The following ZNF560 variants were observed in gnomAD, a reference collection of about 807,000 sequenced individuals.
The protein encoded by ZNF560 is zinc finger protein 560.
In ZNF560, 54 loss-of-function variants were observed where a neutral mutation model predicts 81.8. The ratio of observed to expected loss-of-function variants is 0.66; its 90% CI spans 0.53 to 0.83. The LOEUF is 0.83. ZNF560 is among the 40% of genes least tolerant of loss of function. The probability of loss-of-function intolerance (pLI) is 0.00; values close to 1 mark genes in which losing one functional copy is unlikely to be tolerated. For synonymous variants in ZNF560, 321 were observed against 317.9 expected, an observed-to-expected ratio of 1.01 and a Z score of -0.10; for missense variants, 940 against 932.4, an observed-to-expected ratio of 1.01 and a Z score of -0.11.
intron 2 of ZNF560, among the ~76,000 whole-genome samples, chr19:9,497,472 T>C (rs1340567469): frequency 6.7e-6 from 1 of 149,252 alleles, no homozygotes; most frequent in African/African-American, 2.5e-5. Flanking sequence ...GAGGCAGAGG[T>C]TGCAGTGAGG....
intron 2 of ZNF560, among the ~76,000 whole-genome samples, chr19:9,482,799 A>G (rs1006380638): frequency 2.6e-5 from 4 of 152,040 alleles, no homozygotes; most frequent in Non-Finnish European, 5.9e-5. Context: ...AGTGCCTGCA[A>G]TTGCAGGCGT....
Position 9,466,827 on chromosome 19 carries a change from G to T in ZNF560, c.2120C>A (p.Thr707Asn). 1.2e-6 allele frequency: 2 copies of T among 1,614,128 alleles called. No individual in the cohort carries two copies. The highest frequency in any genetic ancestry group is 1.7e-6 in the Non-Finnish European group (2 of 1,180,030). Residue 707 changes from threonine to asparagine, a missense_variant, in exon 10 of 10, where the codon ACC becomes AAC. Thr to Asn is a moderately conservative substitution (Grantham distance 65). Transcript: ENST00000301480. Reference sequence around the variant, plus strand: ...CTTACATTTATAGGGTTTTATTTTGGTGAGAGTTTTTAAGCGATCATGAAA... The same window carrying T: ...CTTACATTTATAGGGTTTTATTTTGTTGAGAGTTTTTAAGCGATCATGAAA... ...MCFHDRLKTLTKIKPYKCKDC... is the reference protein window; with the variant it reads ...MCFHDRLKTLNKIKPYKCKDC...
chr19:9,468,723 TTC>T (rs543397746), intron 9 of ZNF560, among the ~76,000 whole-genome samples: 3 of 148,670 alleles, frequency 2.0e-5, no homozygotes, highest in Non-Finnish European at 3.0e-5. Context: ...TTCTGCTGAT[TTC>T]TTTTTTTTTT....
chr19:9,475,981 G>A (rs2073195757), intron 2 of ZNF560, among the ~76,000 whole-genome samples: 1 of 152,154 alleles, frequency 6.6e-6, no homozygotes, highest in African/African-American at 2.4e-5. Context: ...ATGAGATTAT[G>A]CAGCACCTCT....
intron 5 of ZNF560, among the ~76,000 whole-genome samples, chr19:9,472,536 G>A (rs950715734): frequency 3.9e-5 from 6 of 152,178 alleles, no homozygotes; most frequent in African/African-American, 1.4e-4. Context: ...GAAGGATTTA[G>A]TTTGCGCGCT....
the ZNF560 span, among the ~76,000 whole-genome samples, chr19:9,452,766 G>A: frequency 1.3e-5 from 2 of 152,290 alleles, no homozygotes; most frequent in South Asian, 4.1e-4. Context: ...GAGGCTGGGG[G>A]AAGAGGAGAG....
At chr19:9,466,354 A>AAG (rs538986739), downstream of ZNF560, among the ~76,000 whole-genome samples, 2 of 149,964 alleles carry the variant, frequency 1.3e-5, no homozygotes, top group African/African-American at 2.5e-5. Flanking sequence ...AAAAAAAAAA[A>AAG]AGAGAGAGAG....
intron 9 of ZNF560, 106 bp from the exon 10 acceptor site, chr19:9,468,440 C>T: frequency 3.6e-6 from 3 of 823,996 alleles, no homozygotes; most frequent in Non-Finnish European, 5.5e-6. Context: ...ACTTTTATAA[C>T]ATGCATATAG....
At chr19:9,451,728 T>C in the ZNF560 span, among the ~76,000 whole-genome samples, 1 of 152,106 alleles carries the variant, frequency 6.6e-6, no homozygotes. Flanking sequence ...AGGTCTAATA[T>C]CCAGAATCTA....
chr19:9,486,825 A>G (rs1025781491), intron 2 of ZNF560, among the ~76,000 whole-genome samples: 1 of 152,212 alleles, frequency 6.6e-6, no homozygotes, highest in Non-Finnish European at 1.5e-5. Context: ...GCTTTGTGCT[A>G]ATAACTCTTT....
rs775843407 is a variant in ZNF560, at chr19:9,466,882, A to G, written c.2065T>C (p.Cys689Arg). The stretch of plus-strand genomic sequence containing the variant: ...ATGGAATTTCGAAAGGAATTTCCAC[A>G]TGCGTTACATTCAGAGGTCTTCTCT... ...AAEKTSECNA[C>R]GNSFRNSMCF... Residue 689 changes from cysteine (C) to arginine (R), a missense_variant, in exon 10 of 10, where the codon TGT (cysteine) becomes CGT (arginine). Transcript: ENST00000301480. 4.3e-6 allele frequency: 7 copies of G among 1,614,106 alleles called. No individual in the cohort carries two copies. The highest frequency in any genetic ancestry group is 5.1e-6 in the Non-Finnish European group (6 of 1,180,030).
intron 2 of ZNF560, among the ~76,000 whole-genome samples, chr19:9,482,254 TCA>T (rs2073301250): frequency 6.6e-6 from 1 of 151,518 alleles, no homozygotes. Flanking sequence ...GTGGGGAATA[TCA>T]CACACCAGGG....
chr19:9,488,279 T>TA (rs1472297887), intron 2 of ZNF560, among the ~76,000 whole-genome samples: 1 of 152,120 alleles, frequency 6.6e-6, no homozygotes, highest in African/African-American at 2.4e-5. Context: ...GCCATGCTCT[T>TA]AGACTTTCCA....
intron 2 of ZNF560, among the ~76,000 whole-genome samples, chr19:9,489,337 A>G (rs2073434109): frequency 6.6e-6 from 1 of 151,854 alleles, no homozygotes; most frequent in African/African-American, 2.4e-5. Context: ...GTGGCCAGAC[A>G]GAGTCGCTCC....
chr19:9,458,946 G>A, the ZNF560 span, among the ~76,000 whole-genome samples: 2 of 152,108 alleles, frequency 1.3e-5, no homozygotes, highest in Admixed American at 6.6e-5. Context: ...TTCTCACTTT[G>A]TCTGGGCTAC....
chr19:9,466,293 C>A (rs1363305949), downstream of ZNF560, among the ~76,000 whole-genome samples: 2 of 151,506 alleles, frequency 1.3e-5, no homozygotes, highest in African/African-American at 4.9e-5. Context: ...TTGCAGTGAG[C>A]CAAGATCATG....
the ZNF560 span, among the ~76,000 whole-genome samples, chr19:9,454,969 A>T: frequency 6.6e-6 from 1 of 152,142 alleles, no homozygotes; most frequent in Admixed American, 6.5e-5. Flanking sequence ...TACCTTGAAG[A>T]TAGGGAATGG....
the ZNF560 span, among the ~76,000 whole-genome samples, chr19:9,447,590 T>G: frequency 2.0e-5 from 3 of 152,142 alleles, no homozygotes; most frequent in East Asian, 5.8e-4. Flanking sequence ...ATTGAAAGCT[T>G]CATCAACAGA....
chr19:9,484,053 T>C lies in ZNF560; in HGVS notation c.-56-8684A>G, dbSNP rs371844228. On this transcript the variant is annotated intron_variant, in intron 2 of 9. Transcript: ENST00000301480. The stretch of plus-strand genomic sequence containing the variant: ...CACTCAGGGTTAAATGGATTAAGGG[T>C]GGTGCAAGATGTGCTTTGTTAAACA... 3.1e-3 allele frequency among the ~76,000 whole-genome samples: 420 copies of C among 137,484 alleles called. 2 individuals carry two copies. The highest frequency in any genetic ancestry group is 8.2e-3 in the African/African-American group (306 of 37,492). The allele number at this position is 137,484 out of a possible 152,430, so 90.2% of individuals were successfully genotyped here. A position where few individuals can be genotyped will look rare whatever the true frequency, so the allele number is the denominator to read the frequency against.
Sources: gnomAD v4.1 joint callset for allele counts (sites outside exome capture counted in the v4.1 genomes callset) on GRCh38, gnomAD v4.1.1 for gene constraint, MANE v1.5 for transcripts, NCBI Gene and HGNC (gene_info 2026-07-23, HGNC 2026-07-21) for gene names.